The following ZDHHC2 variants were observed in gnomAD, a reference collection of about 807,000 sequenced individuals.
ZDHHC2 encodes the protein palmitoyltransferase ZDHHC2.
ZDHHC2 carries 51 observed loss-of-function variants against 55.6 expected under a neutral mutation model. That is an observed-to-expected ratio of 0.92 (90% CI 0.73 to 1.16). The LOEUF is 1.16. Ranked by LOEUF, ZDHHC2 falls within the 50% of genes most tolerant of loss-of-function variation. The pLI is 0.00. For missense variants in ZDHHC2, 491 were observed against 442.4 expected (o/e 1.11, Z -0.99); for synonymous variants, 199 against 152.9 (o/e 1.30, Z -2.22).
At chr8:17,199,614 T>C in intron 6 of ZDHHC2, among the ~76,000 whole-genome samples, 1 of 54,114 alleles carries the variant, frequency 1.8e-5, no homozygotes, top group Non-Finnish European at 7.7e-5. Flanking sequence ...TCTTTCTTCT[T>C]CTTCTTCTTC....
At chr8:17,195,866 T>C (rs1420344512) in intron 4 of ZDHHC2, among the ~76,000 whole-genome samples, 1 of 152,194 alleles carries the variant, frequency 6.6e-6, no homozygotes, top group East Asian at 1.9e-4. Context: ...TCTGCCTACT[T>C]AGTTATGACT....
At position 17,170,766 on chromosome 8, in the gene ZDHHC2, A is replaced by G. The variant is rs566602236; in HGVS notation, c.130+13913A>G. On this transcript the variant is annotated intron_variant, in intron 1 of 12. Coordinates refer to ENST00000262096, the MANE Select transcript of ZDHHC2 (RefSeq NM_016353.5). Reference sequence around the variant, plus strand: ...GAAACTGATGTAAGGACATTAAAAAATACTCTACAAAAATTGTTTCAACTT... The same window carrying G: ...GAAACTGATGTAAGGACATTAAAAAGTACTCTACAAAAATTGTTTCAACTT... Among the ~76,000 whole-genome samples, 8 of 152,390 alleles carry G rather than the reference A, an allele frequency of 5.2e-5. No individual in the cohort carries two copies. In the South Asian group the frequency reaches 1.7e-3, roughly 32 times the overall value.
intron 6 of ZDHHC2, among the ~76,000 whole-genome samples, chr8:17,203,809 CTTTTTT>C (rs3041019): frequency 3.1e-5 from 4 of 130,150 alleles, no homozygotes; most frequent in Admixed American, 1.6e-4. Context: ...TCTTTTTTTT[CTTTTTT>C]TTTTTTTTTT....
At chr8:17,201,797 G>C (rs1806791643) in intron 6 of ZDHHC2, among the ~76,000 whole-genome samples, 1 of 151,822 alleles carries the variant, frequency 6.6e-6, no homozygotes, top group Admixed American at 6.6e-5. Flanking sequence ...CGCCCGGCCA[G>C]GGCAGCTTTT....
chr8:17,187,073 G>C (rs1401292934), intron 3 of ZDHHC2, among the ~76,000 whole-genome samples: 3 of 152,198 alleles, frequency 2.0e-5, no homozygotes, highest in Non-Finnish European at 4.4e-5. Flanking sequence ...CTTACATTTA[G>C]AAGTTGGTTA....
Position 17,156,696 on chromosome 8 carries a change from G to T in ZDHHC2, c.-28G>T. 7.2e-7 allele frequency: 1 copy of T among 1,380,060 alleles called. No homozygotes were observed. The allele number at this position is 1,380,060 out of a possible 1,614,324, so 85.5% of individuals were successfully genotyped here. On this transcript the variant is annotated 5_prime_UTR_variant, in exon 1 of 13. Coordinates refer to ENST00000262096, the MANE Select transcript of ZDHHC2 (RefSeq NM_016353.5). ...GGAGCCAGGCCCGCGGGCGGCGGCG[G>T]AGCTGGGCAGGTGGATGCGGCTGGA...
rs148473503 is a variant in ZDHHC2, at chr8:17,205,297, C to A, written c.477-358C>A. Among the ~76,000 whole-genome samples the A allele has an allele frequency of 8.6e-4, 131 of 152,250 alleles. 4 individuals are homozygous for A. The East Asian group carries it at 0.018, about 21-fold the overall frequency. On this transcript the variant is annotated intron_variant, in intron 6 of 12. Transcript: ENST00000262096. ...TAATTAATCATAGTTGGATATCAAACCCAAAGATGGCGTAGAGGAAGGGTT... is the reference window on the plus strand; with the variant it reads ...TAATTAATCATAGTTGGATATCAAAACCAAAGATGGCGTAGAGGAAGGGTT...
Position 17,221,989 on chromosome 8 carries a change from T to TG in ZDHHC2, c.*1768_*1769insG, listed in dbSNP as rs1403568590. Reference sequence around the variant, plus strand: ...ATATGAAGTCAGGTTTGTTTTTTTTTTTTTTTTTTTTTCAAAGCACAGTAC... The same window carrying TG: ...ATATGAAGTCAGGTTTGTTTTTTTTTGTTTTTTTTTTTTCAAAGCACAGTAC... On this transcript the variant is annotated 3_prime_UTR_variant, in exon 13 of 13. Transcript: ENST00000262096. 1 of 150,366 alleles carries TG rather than the reference T, an allele frequency of 6.7e-6. No individual in the cohort carries two copies. Among genetic ancestry groups the TG allele is most frequent in the Non-Finnish European group, 1.5e-5 (1 of 67,312 alleles). The allele number at this position is 150,366 out of a possible 1,614,324, so 9.3% of individuals were successfully genotyped here. A position where few individuals can be genotyped will look rare whatever the true frequency, so the allele number is the denominator to read the frequency against.
At chr8:17,192,100 C>T (rs973083563) in intron 3 of ZDHHC2, among the ~76,000 whole-genome samples, 1 of 152,204 alleles carries the variant, frequency 6.6e-6, no homozygotes, top group African/African-American at 2.4e-5. Flanking sequence ...AGTCCCACCT[C>T]AGCCCCCTAA....
intron 1 of ZDHHC2, among the ~76,000 whole-genome samples, chr8:17,159,971 G>A (rs1804254024): frequency 6.6e-6 from 1 of 152,022 alleles, no homozygotes; most frequent in African/African-American, 2.4e-5. Context: ...GTTGGTTTCC[G>A]TCAAGTAAGA....
At chr8:17,177,593 A>C (rs1018049378) in intron 1 of ZDHHC2, among the ~76,000 whole-genome samples, 4 of 152,182 alleles carry the variant, frequency 2.6e-5, no homozygotes, top group Non-Finnish European at 5.9e-5. Flanking sequence ...ACAGAGGTAG[A>C]GTCTTATTTA....
At chr8:17,158,632 T>C (rs1433137868) in intron 1 of ZDHHC2, among the ~76,000 whole-genome samples, 1 of 152,254 alleles carries the variant, frequency 6.6e-6, no homozygotes, top group African/African-American at 2.4e-5. Context: ...TTATATGTAC[T>C]TTCTGTAAGT....
At chr8:17,204,732 G>A (rs1807011301) in intron 6 of ZDHHC2, among the ~76,000 whole-genome samples, 1 of 152,094 alleles carries the variant, frequency 6.6e-6, no homozygotes, top group African/African-American at 2.4e-5. Context: ...CCTGGGTGAT[G>A]AAATAATCTA....
intron 3 of ZDHHC2, among the ~76,000 whole-genome samples, chr8:17,191,830 A>G (rs117627621): frequency 1.3e-5 from 2 of 152,146 alleles, no homozygotes; most frequent in Non-Finnish European, 2.9e-5. Context: ...TTTTGGGTAT[A>G]TACTCACAGT....
Position 17,173,695 on chromosome 8 carries a change from A to G in ZDHHC2, c.131-11094A>G, listed in dbSNP as rs114671417. On this transcript the variant is annotated intron_variant, in intron 1 of 12. Coordinates refer to ENST00000262096, the MANE Select transcript of ZDHHC2 (RefSeq NM_016353.5). ...AGACCCTGTCTTAAAAAAAAAAAGA[A>G]AGAAAGAAAGAAAAAGAATTGAGCA... 8.1e-3 allele frequency among the ~76,000 whole-genome samples: 1,233 copies of G among 151,804 alleles called. 12 individuals carry two copies. Among genetic ancestry groups the G allele is most frequent in the African/African-American group, 0.029 (1,197 of 41,396 alleles).
At chr8:17,201,741 C>T (rs1806786010) in intron 6 of ZDHHC2, among the ~76,000 whole-genome samples, 1 of 151,532 alleles carries the variant, frequency 6.6e-6, no homozygotes, top group African/African-American at 2.4e-5. Context: ...TGTGATCCAC[C>T]CGCCTCAGCC....
intron 6 of ZDHHC2, among the ~76,000 whole-genome samples, chr8:17,202,685 T>A (rs1806851987): frequency 1.3e-5 from 2 of 151,810 alleles, no homozygotes; most frequent in South Asian, 4.2e-4. Context: ...GACAGTAAGG[T>A]ATTATTCAAA....
chr8:17,169,857 A>C (rs1804770534), intron 1 of ZDHHC2, among the ~76,000 whole-genome samples: 1 of 151,620 alleles, frequency 6.6e-6, no homozygotes, highest in South Asian at 2.1e-4. Flanking sequence ...TCCTTGCATA[A>C]TTTTTTTTTA....
intron 3 of ZDHHC2, among the ~76,000 whole-genome samples, chr8:17,190,872 G>A (rs567653582): frequency 7.0e-6 from 1 of 142,578 alleles, no homozygotes; most frequent in East Asian, 2.2e-4. Context: ...TATACTCTTA[G>A]TTATTTTAAA....
Sources: allele counts gnomAD v4.1 joint callset (sites outside exome capture counted in the v4.1 genomes callset), GRCh38; gene constraint gnomAD v4.1.1; transcripts MANE v1.5; gene names NCBI Gene and HGNC (gene_info 2026-07-23, HGNC 2026-07-21).